RXRB: variants seen among roughly 807,000 people sequenced by gnomAD.
The protein encoded by RXRB is retinoic acid receptor RXR-beta.
Under a neutral mutation model 52.5 loss-of-function variants are expected in RXRB, and 18 were observed. That is an observed-to-expected ratio of 0.34 (90% CI 0.24 to 0.51). The LOEUF is 0.51. Among genes scored for constraint, RXRB ranks in the 20% least tolerant of loss-of-function variants. RXRB has a pLI of 0.97. For missense variants in RXRB, 455 were observed against 698.2 expected (o/e 0.65, Z 3.92); for synonymous variants, 233 against 267.1 (o/e 0.87, Z 1.25).
rs529347210 is a variant in RXRB at position 33,193,890 on chromosome 6, G to GA, written c.*791_*792insT. The GA allele has an allele frequency of 6.6e-6, 1 of 152,354 alleles. No homozygotes were observed. The highest frequency in any genetic ancestry group is 6.5e-5 in the Admixed American group (1 of 15,280). 9.4% of individuals were successfully genotyped at this position (152,354 alleles called of 1,614,324 possible). On this transcript the variant is annotated 3_prime_UTR_variant, in exon 10 of 10. Coordinates refer to ENST00000374680, the MANE Select transcript of RXRB (RefSeq NM_021976.5). ...AAGTTAGACAGGAAGAGATAGGGGG[G>GA]GCGGCGGGAAGCTGGGAAGGCTAGT...
rs1583409101 is a variant in RXRB at position 33,195,798 on chromosome 6, C to T, written c.1124-96G>A. The T allele has an allele frequency of 6.3e-7, 1 of 1,597,820 alleles. No homozygotes were observed. The highest frequency in any genetic ancestry group is 2.2e-5 in the East Asian group (1 of 44,704). ...AGGAGAAAAGAGGTGGCGAGGTCAGCAAGTTTGGCTCCCTGGGTACGCAAG... is the reference window on the plus strand; with the variant it reads ...AGGAGAAAAGAGGTGGCGAGGTCAGTAAGTTTGGCTCCCTGGGTACGCAAG... On this transcript the variant is annotated intron_variant, in intron 6 of 9. Coordinates refer to ENST00000374680, the MANE Select transcript of RXRB (RefSeq NM_021976.5). This position sits in a 1 kb window ranked among gnomAD's most constrained non-coding sequence, Gnocchi z 8.6.
intron 2 of RXRB, chr6:33,198,780 G>T (rs1396224974): frequency 6.1e-6 from 3 of 492,286 alleles, no homozygotes; most frequent in East Asian, 8.0e-5. Flanking sequence ...CGGGCGTGGT[G>T]GTAGGCACCT....
chr6:33,199,022 A>T, intron 2 of RXRB, 147 bp downstream of exon 2: 1 of 476,560 alleles, frequency 2.1e-6, no homozygotes, highest in Non-Finnish European at 3.6e-6. Context: ...CAGGAAAGGC[A>T]AGGGGTCTCA....
chr6:33,194,430 A>T lies in RXRB; in HGVS notation c.*252T>A. The T allele has an allele frequency of 2.0e-6, 1 of 501,014 alleles. No homozygotes were observed. The highest frequency in any genetic ancestry group is 3.5e-6 in the Non-Finnish European group (1 of 283,436). The allele number at this position is 501,014 out of a possible 1,614,324, so 31.0% of individuals were successfully genotyped here. On this transcript the variant is annotated 3_prime_UTR_variant, in exon 10 of 10. Transcript: ENST00000374680. The surrounding 1 kb of genome is among the most constrained non-coding windows in gnomAD (Gnocchi z 4.1). ...AGAGGGTGAGAAATCACCCCAAATC[A>T]TGGGAGAACCCGACAAATTCAGAGA... is the stretch of plus-strand genomic sequence containing the variant.
rs563634524 is a variant in RXRB at position 33,196,912 on chromosome 6, A to T, written c.821-306T>A. On this transcript the variant is annotated intron_variant, in intron 4 of 9. Transcript: ENST00000374680. The surrounding 1 kb of genome is among the most constrained non-coding windows in gnomAD (Gnocchi z 4.0). ...CTGAGAAAGCTGATTGAAAAAAAAA[A>T]TTTTTTTAAATAAAATATGCCAAGA... 3.5e-4 allele frequency among the ~76,000 whole-genome samples: 53 copies of T among 151,788 alleles called. No individual in the cohort carries two copies. The highest frequency in any genetic ancestry group is 2.2e-3 in the Admixed American group (33 of 15,258).
rs541560780 is a variant in RXRB, at chr6:33,197,637, G to A, written c.820+125C>T. The A allele has an allele frequency of 4.6e-6, 4 of 864,086 alleles. No individual in the cohort carries two copies. Among genetic ancestry groups the A allele is most frequent in the East Asian group, 5.3e-5 (2 of 37,874 alleles). 53.5% of individuals were successfully genotyped at this position (864,086 alleles called of 1,614,324 possible). A position where few individuals can be genotyped will look rare whatever the true frequency, so the allele number is the denominator to read the frequency against. On this transcript the variant is annotated intron_variant, in intron 4 of 9. Coordinates refer to ENST00000374680, the MANE Select transcript of RXRB (RefSeq NM_021976.5). The surrounding 1 kb of genome is among the most constrained non-coding windows in gnomAD (Gnocchi z 4.4). ...CAGGGAGGAGAGCTGCGAAGGGAGAGAGAAATCAAATATCGCCCTCTAGAG... is the reference window on the plus strand; with the variant it reads ...CAGGGAGGAGAGCTGCGAAGGGAGAAAGAAATCAAATATCGCCCTCTAGAG...
At position 33,199,342 on chromosome 6, in the gene RXRB, G is replaced by A. The variant is rs201700806; in HGVS notation, c.310C>T (p.Pro104Ser). Residue 104 changes from proline to serine, a missense_variant, in exon 2 of 10, where the codon CCC becomes TCC. This residue lies in a region of RXRB where 225 missense variants were observed against 258.6 expected (regional missense o/e 0.87). Transcript: ENST00000374680. ...GVPPPSPPGP[P>S]LPPSTAPSLG... ...GATGGAGCTGTTGAAGGGGGTAGGG[G>A]TGGCCCAGGAGGAGAAGGGGGAGGG... The A allele has an allele frequency of 7.1e-5, 86 of 1,210,090 alleles. No homozygotes were observed. The highest frequency in any genetic ancestry group is 2.8e-4 in the East Asian group (9 of 31,600). 75.0% of individuals were successfully genotyped at this position (1,210,090 alleles called of 1,614,324 possible). A position where few individuals can be genotyped will look rare whatever the true frequency, so the allele number is the denominator to read the frequency against.
chr6:33,194,284 C>G lies in RXRB; in HGVS notation c.*398G>C, dbSNP rs554485393. The G allele has an allele frequency of 3.5e-5, 6 of 170,526 alleles. No homozygotes were observed. The South Asian group carries it at 8.6e-4, about 25-fold the overall frequency. 10.6% of individuals were successfully genotyped at this position (170,526 alleles called of 1,614,324 possible). A position where few individuals can be genotyped will look rare whatever the true frequency, so the allele number is the denominator to read the frequency against. ...CCATCAGCTTGGGAGGCCTGCCCCC[C>G]AGTATCCACCTCTGGGGGAGTTCCC... On this transcript the variant is annotated 3_prime_UTR_variant, in exon 10 of 10. Transcript: ENST00000374680. This position sits in a 1 kb window ranked among gnomAD's most constrained non-coding sequence, Gnocchi z 4.1.
Position 33,196,410 on chromosome 6 carries a change from G to C in RXRB, c.993+24C>G. On this transcript the variant is annotated intron_variant, in intron 5 of 9. Coordinates refer to ENST00000374680, the MANE Select transcript of RXRB (RefSeq NM_021976.5). The surrounding 1 kb of genome is among the most constrained non-coding windows in gnomAD (Gnocchi z 4.0). ...CTCCCCCAACCCCCATCACGAAGGAGAGTGGATTGACCCCAACACTCACGC... is the reference window on the plus strand; with the variant it reads ...CTCCCCCAACCCCCATCACGAAGGACAGTGGATTGACCCCAACACTCACGC... The C allele has an allele frequency of 6.2e-7, 1 of 1,610,084 alleles. No individual in the cohort carries two copies. The highest frequency in any genetic ancestry group is 8.5e-7 in the Non-Finnish European group (1 of 1,177,404).
rs1773926125 is a variant in RXRB at position 33,196,687 on chromosome 6, A to C, written c.821-81T>G. 1.6e-6 allele frequency: 2 copies of C among 1,243,966 alleles called. No homozygotes were observed. The highest frequency in any genetic ancestry group is 4.7e-5 in the East Asian group (2 of 42,826). The allele number at this position is 1,243,966 out of a possible 1,614,324, so 77.1% of individuals were successfully genotyped here. ...GTTCCACAAATATCCTTACGGCCTC[A>C]TCAGGATCTCATGGCCCTTGGGAGA... is the stretch of plus-strand genomic sequence containing the variant. On this transcript the variant is annotated intron_variant, in intron 4 of 9. Transcript: ENST00000374680. This position sits in a 1 kb window ranked among gnomAD's most constrained non-coding sequence, Gnocchi z 4.0.
chr6:33,200,513 C>A lies in RXRB; in HGVS notation c.-37G>T. ...GAGAGTAGGGATACCGAAGAGGTCCCAGGGATTCCCAAGGATTGATCGGAG... is the reference window on the plus strand; with the variant it reads ...GAGAGTAGGGATACCGAAGAGGTCCAAGGGATTCCCAAGGATTGATCGGAG... On this transcript the variant is annotated 5_prime_UTR_variant, in exon 1 of 10. Transcript: ENST00000374680. The surrounding 1 kb of genome is among the most constrained non-coding windows in gnomAD (Gnocchi z 6.3). 1 of 1,554,088 alleles carries A rather than the reference C, an allele frequency of 6.4e-7. No individual in the cohort carries two copies. Among genetic ancestry groups the A allele is most frequent in the Non-Finnish European group, 8.7e-7 (1 of 1,151,840 alleles).
At position 33,199,647 on chromosome 6, in the gene RXRB, T is replaced by C. The variant is rs542894292; in HGVS notation, c.236-231A>G. 5.5e-5 allele frequency: 27 copies of C among 494,050 alleles called. 1 individual carries two copies. The highest frequency in any genetic ancestry group is 4.8e-4 in the African/African-American group (25 of 52,372). The allele number at this position is 494,050 out of a possible 1,614,324, so 30.6% of individuals were successfully genotyped here. ...TTATCAGAACTTATTAACATTTGTG[T>C]CACTAAAATTGGTATACAACCTCCC... On this transcript the variant is annotated intron_variant, in intron 1 of 9. Coordinates refer to ENST00000374680, the MANE Select transcript of RXRB (RefSeq NM_021976.5).
In RXRB at chr6:33,198,419, C is replaced by A; in HGVS notation, c.529G>T (p.Glu177Ter). Residue 177 changes from glutamate to a stop codon, truncating the protein, a stop_gained, in exon 3 of 10, where the codon GAA becomes TAA. Coordinates refer to ENST00000374680, the MANE Select transcript of RXRB (RefSeq NM_021976.5). LOFTEE classifies it high-confidence loss of function. ...SLPGGGSGPP[E>*]DVKPPVLGVR... ...CCTAAGACTGGTGGCTTCACATCTT[C>A]AGGGGGGCCAGACCCACCCCCAGGG... 6.2e-7 allele frequency: 1 copy of A among 1,611,964 alleles called. No individual in the cohort carries two copies. Among genetic ancestry groups the A allele is most frequent in the Non-Finnish European group, 8.5e-7 (1 of 1,179,394 alleles).
rs766952207 is a variant in RXRB at position 33,195,406 on chromosome 6, C to A, written c.1305G>T (p.Lys435Asn). ...TTGCCCTCAGGCAGCCAAGCTCTGTCTTGTCCATCCTCATGTCACGCATTT... is the reference window on the plus strand; with the variant it reads ...TTGCCCTCAGGCAGCCAAGCTCTGTATTGTCCATCCTCATGTCACGCATTT... Reference protein sequence around the residue: ...VSKMRDMRMDKTELGCLRAII... With the variant: ...VSKMRDMRMDNTELGCLRAII... Residue 435 changes from lysine to asparagine, a missense_variant, in exon 8 of 10, where the codon AAG becomes AAT. Lys to Asn is a moderately conservative substitution (Grantham distance 94). Around this residue, in one of 4 missense-constraint regions of RXRB, gnomAD observed 115 missense variants for 253.1 expected, o/e 0.45. Coordinates refer to ENST00000374680, the MANE Select transcript of RXRB (RefSeq NM_021976.5). The surrounding 1 kb of genome is among the most constrained non-coding windows in gnomAD (Gnocchi z 8.6). 6.2e-7 allele frequency: 1 copy of A among 1,612,844 alleles called. No homozygotes were observed. Among genetic ancestry groups the A allele is most frequent in the South Asian group, 1.1e-5 (1 of 91,084 alleles).
In RXRB at chr6:33,200,322, G is replaced by C. The variant is rs752973611; in HGVS notation, c.155C>G (p.Ala52Gly). ...WLDPAAAAAA[A>G]VAGGEQQTPE... ...GGTTTGTTGTTCTCCGCCTGCCACC[G>C]CCGCCGCCGCCGCCGCTGCGGGATC... The change falls in exon 1 of 10, where the codon GCG (alanine) becomes GGG (glycine). Residue 52 changes from alanine (A) to glycine (G), a missense_variant. Physicochemically the swap from Ala to Gly is moderately conservative, Grantham distance 60. Transcript: ENST00000374680. This position sits in a 1 kb window ranked among gnomAD's most constrained non-coding sequence, Gnocchi z 6.3. 2.3e-5 allele frequency: 36 copies of C among 1,564,776 alleles called. No individual in the cohort carries two copies. The Admixed American group carries it at 2.5e-4, about 11-fold the overall frequency.
intron 2 of RXRB, 80 bp downstream of exon 2, chr6:33,199,089 A>C: frequency 3.0e-6 from 3 of 1,011,988 alleles, no homozygotes; most frequent in Non-Finnish European, 2.6e-6. Context: ...GCCATGGGGA[A>C]GTTCACACAA....
At chr6:33,199,512 T>G in intron 1 of RXRB, 96 bp from the exon 2 acceptor site, 2 of 987,306 alleles carry the variant, frequency 2.0e-6, no homozygotes, top group Non-Finnish European at 2.7e-6. Context: ...GAGACTTTAA[T>G]TCTCTAATAC....
chr6:33,195,406 C>T lies in RXRB; in HGVS notation c.1305G>A (p.Lys435=). The part of the protein sequence containing the change: ...VSKMRDMRMD[K]TELGCLRAII... ...TTGCCCTCAGGCAGCCAAGCTCTGT[C>T]TTGTCCATCCTCATGTCACGCATTT... Residue 435 remains lysine (K), a synonymous_variant, in exon 8 of 10, where the codon AAG becomes AAA. Transcript: ENST00000374680. The surrounding 1 kb of genome is among the most constrained non-coding windows in gnomAD (Gnocchi z 8.6). The T allele has an allele frequency of 6.2e-7, 1 of 1,612,844 alleles. No homozygotes were observed. The highest frequency in any genetic ancestry group is 8.5e-7 in the Non-Finnish European group (1 of 1,179,776).
chr6:33,199,610 G>A, intron 1 of RXRB, 194 bp from the exon 2 acceptor site: 1 of 485,132 alleles, frequency 2.1e-6, no homozygotes, highest in Non-Finnish European at 3.7e-6. Flanking sequence ...CGGCTGGTCC[G>A]ATGGTAGTGG....
Sources: gnomAD v4.1 joint callset for allele counts (sites outside exome capture counted in the v4.1 genomes callset) on GRCh38, gnomAD v4.1.1 for gene constraint, gnomAD v4.1.1 regional missense constraint, Gnocchi (gnomAD v3.1) non-coding constraint, MANE v1.5 for transcripts, NCBI Gene and HGNC (gene_info 2026-07-23, HGNC 2026-07-21) for gene names.